The following NRXN3 variants were observed in gnomAD, a reference collection of about 807,000 sequenced individuals.
NRXN3 encodes neurexin III.
In NRXN3, 32 loss-of-function variants were observed where a neutral mutation model predicts 137.6. The ratio of observed to expected loss-of-function variants is 0.23; its 90% CI spans 0.18 to 0.31. The LOEUF (loss-of-function observed/expected upper bound fraction) is 0.31, where lower values mean the gene tolerates loss of function less well. Among genes scored for constraint, NRXN3 ranks in the 10% least tolerant of loss-of-function variants. The pLI, the probability that NRXN3 is intolerant of heterozygous loss-of-function variation, is 1.00. For missense variants in NRXN3, 1,574 were observed against 2,062.5 expected (o/e 0.76, Z 4.59); for synonymous variants, 798 against 784.5 (o/e 1.02, Z -0.29).
At chr14:78,465,516 G>A (rs992485886) in intron 4 of NRXN3, among the ~76,000 whole-genome samples, 5 of 152,044 alleles carry the variant, frequency 3.3e-5, no homozygotes, top group South Asian at 2.1e-4. Context: ...GAGATTTAAG[G>A]TTTTTTGTTT....
At chr14:78,903,709 C>T (rs1294953163) in intron 10 of NRXN3, among the ~76,000 whole-genome samples, 2 of 151,994 alleles carry the variant, frequency 1.3e-5, no homozygotes, top group Non-Finnish European at 2.9e-5. Flanking sequence ...AGAAGAAACT[C>T]GTGTCATACT....
chr14:78,989,014 G>T (rs2099513131), intron 15 of NRXN3, among the ~76,000 whole-genome samples: 1 of 152,110 alleles, frequency 6.6e-6, no homozygotes, highest in African/African-American at 2.4e-5. Context: ...TCTTTCTCAT[G>T]TTATTTTCTT....
chr14:79,234,336 ATAT>A (rs2072968586), intron 15 of NRXN3, among the ~76,000 whole-genome samples: 1 of 105,778 alleles, frequency 9.5e-6, no homozygotes, highest in Admixed American at 1.0e-4. Context: ...ATATATATAT[ATAT>A]AATATTTATA....
intron 10 of NRXN3, among the ~76,000 whole-genome samples, chr14:78,846,978 C>T (rs773441701): frequency 6.6e-6 from 1 of 152,050 alleles, no homozygotes; most frequent in Non-Finnish European, 1.5e-5. Flanking sequence ...GCTGTTGATA[C>T]TTGGGTACTT....
intron 8 of NRXN3, among the ~76,000 whole-genome samples, chr14:78,776,209 CTG>C (rs1279871490): frequency 1.3e-5 from 2 of 152,210 alleles, no homozygotes; most frequent in Admixed American, 6.5e-5. Context: ...TATTATTAAA[CTG>C]TGCCAATTGC....
At chr14:79,041,180 T>A (rs1186024031) in intron 15 of NRXN3, among the ~76,000 whole-genome samples, 1 of 152,222 alleles carries the variant, frequency 6.6e-6, no homozygotes, top group African/African-American at 2.4e-5. Flanking sequence ...GCTTTCTCAA[T>A]ACTTGGCACA....
intron 4 of NRXN3, among the ~76,000 whole-genome samples, chr14:78,473,517 A>G (rs538850902): frequency 1.3e-5 from 2 of 152,332 alleles, no homozygotes; most frequent in African/African-American, 4.8e-5. Context: ...AGTTATGGCC[A>G]CAGACAGAGT....
In NRXN3 at chr14:79,866,232, T is replaced by C. The variant is rs1053476744; in HGVS notation, c.*4268T>C. 1 of 152,228 alleles carries C rather than the reference T, an allele frequency of 6.6e-6. No homozygotes were observed. Among genetic ancestry groups the C allele is most frequent in the African/African-American group, 2.4e-5 (1 of 41,456 alleles). 9.4% of individuals were successfully genotyped at this position (152,228 alleles called of 1,614,324 possible). A position where few individuals can be genotyped will look rare whatever the true frequency, so the allele number is the denominator to read the frequency against. ...CAGTTGAACTAATATCTTGATTATA[T>C]AGTTTAAGATCAGTTTGATAATGTC... On this transcript the variant is annotated 3_prime_UTR_variant, in exon 21 of 21. Transcript: ENST00000335750.
At chr14:78,719,863 A>C (rs1308944502) in intron 8 of NRXN3, among the ~76,000 whole-genome samples, 1 of 152,020 alleles carries the variant, frequency 6.6e-6, no homozygotes, top group Non-Finnish European at 1.5e-5. Context: ...GAAAATAGTG[A>C]AAATAGTAGG....
At chr14:78,460,051 C>A (rs1261357683) in intron 4 of NRXN3, among the ~76,000 whole-genome samples, 1 of 152,232 alleles carries the variant, frequency 6.6e-6, no homozygotes, top group Non-Finnish European at 1.5e-5. Context: ...GAGAAACTCA[C>A]AGAACTTAGG....
chr14:78,375,726 G>T (rs2087694043), intron 4 of NRXN3, among the ~76,000 whole-genome samples: 1 of 152,208 alleles, frequency 6.6e-6, no homozygotes. Flanking sequence ...AAGGTCATTA[G>T]GGAAGATCTT....
At chr14:79,492,987 A>G (rs985218766) in intron 16 of NRXN3, among the ~76,000 whole-genome samples, 5 of 152,234 alleles carry the variant, frequency 3.3e-5, no homozygotes, top group Non-Finnish European at 5.9e-5. Context: ...CAACAGGAAC[A>G]GCAAAGTATT....
chr14:78,203,571 A>G (rs1315718719), intron 1 of NRXN3, among the ~76,000 whole-genome samples: 3 of 152,164 alleles, frequency 2.0e-5, no homozygotes, highest in Non-Finnish European at 4.4e-5. Flanking sequence ...GGGACAGGAA[A>G]TGGGACCAAT....
intron 15 of NRXN3, among the ~76,000 whole-genome samples, chr14:79,115,625 T>A (rs1003068349): frequency 6.6e-6 from 1 of 152,208 alleles, no homozygotes; most frequent in Admixed American, 6.5e-5. Flanking sequence ...GAGAAATGTG[T>A]CTTATTATTC....
intron 5 of NRXN3, among the ~76,000 whole-genome samples, chr14:78,647,922 T>C (rs558300295): frequency 3.1e-4 from 47 of 152,354 alleles, no homozygotes; most frequent in African/African-American, 9.9e-4. Flanking sequence ...AACAAACTTA[T>C]AGCAGCCTTA....
In NRXN3 at chr14:78,523,492, G is replaced by T. The variant is rs112837011; in HGVS notation, c.758-121628G>T. Among the ~76,000 whole-genome samples the T allele has an allele frequency of 9.9e-5, 15 of 152,100 alleles. 1 individual carries two copies. The highest frequency in any genetic ancestry group is 2.9e-4 in the African/African-American group (12 of 41,500). On this transcript the variant is annotated intron_variant, in intron 4 of 20. Transcript: ENST00000335750. ...GGTAAAACCACAGTGCCCAGTAATG[G>T]TTAGTAAAGAATACAAGAGAGTGTA...
chr14:78,194,798 C>A (rs912331691), intron 1 of NRXN3, among the ~76,000 whole-genome samples: 4 of 152,192 alleles, frequency 2.6e-5, no homozygotes, highest in African/African-American at 9.7e-5. Flanking sequence ...CCTGGTCAGG[C>A]CAGCATTTCA....
intron 15 of NRXN3, among the ~76,000 whole-genome samples, chr14:79,181,821 C>A (rs1455900141): frequency 1.3e-5 from 2 of 151,874 alleles, no homozygotes; most frequent in African/African-American, 4.8e-5. Context: ...CCATCATAAG[C>A]GCTTTAAGGA....
chr14:79,457,632 CGTGTT>C (rs1382799146), intron 15 of NRXN3, among the ~76,000 whole-genome samples: 1 of 152,098 alleles, frequency 6.6e-6, no homozygotes, highest in African/African-American at 2.4e-5. Context: ...CCAGAAAAAT[CGTGTT>C]GTATGAATTA....
Sources: gnomAD v4.1 joint callset for allele counts (sites outside exome capture counted in the v4.1 genomes callset) on GRCh38, gnomAD v4.1.1 for gene constraint, MANE v1.5 for transcripts, NCBI Gene and HGNC (gene_info 2026-07-23, HGNC 2026-07-21) for gene names.